Variants in CDH22 observed in about 807,000 individuals in gnomAD.
CDH22 encodes the protein cadherin 22.
Under a neutral mutation model 58.4 loss-of-function variants are expected in CDH22, and 30 were observed. The observed-to-expected ratio is 0.51, with a 90% CI of 0.38 to 0.70. The LOEUF (loss-of-function observed/expected upper bound fraction) is 0.70, where lower values mean the gene tolerates loss of function less well. Among genes scored for constraint, CDH22 ranks in the 30% least tolerant of loss-of-function variants. The pLI is 0.00. For synonymous variants in CDH22, 513 were observed against 558.2 expected (o/e 0.92, Z 1.14); for missense variants, 1,014 against 1,233.9 (o/e 0.82, Z 2.67).
At chr20:46,207,539 C>T (rs578243068) in intron 7 of CDH22, among the ~76,000 whole-genome samples, 5 of 152,256 alleles carry the variant, frequency 3.3e-5, no homozygotes, top group East Asian at 3.9e-4. Context: ...GCCACCAGCC[C>T]GGGTGGAAGG....
intron 8 of CDH22, among the ~76,000 whole-genome samples, chr20:46,188,508 G>A (rs1233273503): frequency 1.3e-5 from 2 of 152,152 alleles, no homozygotes; most frequent in Admixed American, 6.5e-5. Flanking sequence ...TCAAAAAATT[G>A]CAACCTCAGG....
chr20:46,255,448 C>T (rs998212525), intron 1 of CDH22, among the ~76,000 whole-genome samples: 1 of 152,230 alleles, frequency 6.6e-6, no homozygotes, highest in Admixed American at 6.5e-5. Flanking sequence ...GGAAAAAATG[C>T]ACCTCTAGGT....
intron 10 of CDH22, 69 bp from the exon 11 acceptor site, chr20:46,178,266 C>A: frequency 6.5e-7 from 1 of 1,541,448 alleles, no homozygotes; most frequent in Non-Finnish European, 8.8e-7. Flanking sequence ...TAGCCACCTC[C>A]TGATTGCATC....
At chr20:46,215,483 C>G (rs2086077370) in intron 5 of CDH22, among the ~76,000 whole-genome samples, 1 of 152,146 alleles carries the variant, frequency 6.6e-6, no homozygotes, top group Admixed American at 6.5e-5. Context: ...TGAACAGACT[C>G]AAAAGATGAC....
intron 3 of CDH22, among the ~76,000 whole-genome samples, chr20:46,233,929 AT>A (rs1368360412): frequency 6.6e-6 from 1 of 152,184 alleles, no homozygotes; most frequent in Non-Finnish European, 1.5e-5. Flanking sequence ...CCAGCGATTG[AT>A]TCCTGGCTTG....
intron 5 of CDH22, among the ~76,000 whole-genome samples, chr20:46,213,445 T>C (rs899797429): frequency 1.3e-5 from 2 of 152,184 alleles, no homozygotes; most frequent in African/African-American, 4.8e-5. Context: ...CTGCAGTTCT[T>C]TGGGCCTCAG....
chr20:46,181,748 C>CTTTTCTTTCTTTCTTTCTTTCT (rs1555800212), intron 10 of CDH22, among the ~76,000 whole-genome samples: 2 of 26,316 alleles, frequency 7.6e-5, no homozygotes, highest in East Asian at 2.4e-3. Context: ...TCCTTCCTTC[C>CTTTTCTTTCTTTCTTTCTTTCT]TTCCTTCTTT....
intron 1 of CDH22, among the ~76,000 whole-genome samples, chr20:46,271,026 G>T (rs1428288473): frequency 6.6e-6 from 1 of 152,214 alleles, no homozygotes; most frequent in Admixed American, 6.5e-5. Context: ...GTCAAGTGCT[G>T]TAACCAAGTG....
At chr20:46,284,608 A>G (rs529036457) in intron 1 of CDH22, among the ~76,000 whole-genome samples, 33 of 152,210 alleles carry the variant, frequency 2.2e-4, no homozygotes, top group African/African-American at 7.0e-4. Context: ...GTTGTTTTCA[A>G]CTGTCACCTG....
At chr20:46,239,594 C>G (rs1341310696) in intron 3 of CDH22, among the ~76,000 whole-genome samples, 1 of 152,258 alleles carries the variant, frequency 6.6e-6, no homozygotes, top group Admixed American at 6.5e-5. Flanking sequence ...CTCCTGGCCT[C>G]TGACACGCAG....
chr20:46,285,190 A>G (rs1408527518), intron 1 of CDH22, among the ~76,000 whole-genome samples: 1 of 152,230 alleles, frequency 6.6e-6, no homozygotes. Flanking sequence ...CATTGTTAGC[A>G]GAACTGCCTG....
intron 1 of CDH22, among the ~76,000 whole-genome samples, chr20:46,255,674 A>C (rs890466027): frequency 1.3e-5 from 2 of 152,158 alleles, no homozygotes; most frequent in Non-Finnish European, 2.9e-5. Context: ...TGCTCTGCAC[A>C]GCCCTGCTAG....
chr20:46,217,733 A>G (rs2086095641), intron 4 of CDH22, among the ~76,000 whole-genome samples: 1 of 152,000 alleles, frequency 6.6e-6, no homozygotes, highest in South Asian at 2.1e-4. Flanking sequence ...ATACTCACAT[A>G]CACACAAACA....
chr20:46,307,655 G>A (rs2059030049), intron 1 of CDH22, among the ~76,000 whole-genome samples: 1 of 152,104 alleles, frequency 6.6e-6, no homozygotes. Context: ...GCTCAGAGGG[G>A]ACCAGAACCG....
intron 4 of CDH22, among the ~76,000 whole-genome samples, chr20:46,220,256 G>C (rs1461618075): frequency 2.0e-5 from 3 of 151,952 alleles, no homozygotes; most frequent in Admixed American, 2.0e-4. Flanking sequence ...GACAGTAAGA[G>C]AGAAACAGAG....
intron 6 of CDH22, among the ~76,000 whole-genome samples, chr20:46,211,147 G>A (rs1405791069): frequency 1.3e-5 from 2 of 152,208 alleles, no homozygotes; most frequent in East Asian, 1.9e-4. Flanking sequence ...TGCTGAGCCT[G>A]TGCTTCTTAT....
rs767621231 is a variant in CDH22, at chr20:46,210,536, C to A, written c.1057G>T (p.Val353Leu). Reference protein sequence around the residue: ...QKRLDFESQPVHTVILEALNK... With the variant: ...QKRLDFESQPLHTVILEALNK... Reference sequence around the variant, plus strand: ...AGGGCCTCCAGGATCACGGTGTGCACGGGCTGGGATTCGAAGTCCAGGCGC... The same window carrying A: ...AGGGCCTCCAGGATCACGGTGTGCAAGGGCTGGGATTCGAAGTCCAGGCGC... Residue 353 changes from valine (V) to leucine (L), a missense_variant, in exon 7 of 12, where the codon GTG (valine) becomes TTG (leucine). Physicochemically the swap from Val to Leu is conservative, Grantham distance 32 (BLOSUM62 1). Transcript: ENST00000537909. This position sits in a 1 kb window ranked among gnomAD's most constrained non-coding sequence, Gnocchi z 4.5. The A allele has an allele frequency of 7.0e-7, 1 of 1,429,730 alleles. No individual in the cohort carries two copies. Among genetic ancestry groups the A allele is most frequent in the Non-Finnish European group, 9.2e-7 (1 of 1,088,582 alleles). 88.6% of individuals were successfully genotyped at this position (1,429,730 alleles called of 1,614,324 possible).
In CDH22 at chr20:46,178,019, C is replaced by A. The variant is rs148863832; in HGVS notation, c.1842G>T (p.Thr614=). The A allele has an allele frequency of 1.9e-6, 3 of 1,613,912 alleles. No homozygotes were observed. Among genetic ancestry groups the A allele is most frequent in the East Asian group, 2.2e-5 (1 of 44,888 alleles). The change falls in exon 11 of 12, where the codon ACG becomes ACT. Residue 614 remains threonine, a synonymous_variant. Transcript: ENST00000537909. The part of the protein sequence containing the change: ...SSGTIQSCNT[T]AFVMAASLSP... ...TGAGGGAGGCGGCCATGACAAAGGC[C>A]GTGGTGTTGCAGGACTGGATGGTGC...
At chr20:46,226,272 TTCTTCTTCTTCTTCTTCTTC>T (rs1375670374) in intron 4 of CDH22, among the ~76,000 whole-genome samples, 38 of 4,350 alleles carry the variant, frequency 8.7e-3, no homozygotes, top group Admixed American at 0.023. Context: ...CTTCTTCTTC[TTCTTCTTCTTCTTCTTCTTC>T]TTTTTTTTTT....
Sources: allele counts gnomAD v4.1 joint callset (sites outside exome capture counted in the v4.1 genomes callset), GRCh38; gene constraint gnomAD v4.1.1; non-coding constraint Gnocchi (gnomAD v3.1); transcripts MANE v1.5; gene names NCBI Gene and HGNC (gene_info 2026-07-23, HGNC 2026-07-21).